Variants in ACAD11 observed in about 807,000 individuals in gnomAD.
ACAD11 encodes acyl-CoA dehydrogenase family member 11.
A neutral mutation model predicts 102.2 loss-of-function variants in ACAD11; 83 were observed. The ratio of observed to expected loss-of-function variants is 0.81; its 90% CI spans 0.68 to 0.97. ACAD11 has a LOEUF of 0.97. ACAD11 is among the 50% of genes least tolerant of loss of function. The pLI, the probability that ACAD11 is intolerant of heterozygous loss-of-function variation, is 0.00. For missense variants in ACAD11, 901 were observed against 951.7 expected, an observed-to-expected ratio of 0.95 and a Z score of 0.70; for synonymous variants, 324 against 319.8, an observed-to-expected ratio of 1.01 and a Z score of -0.14.
At chr3:132,640,118 CTT>C (rs200490230) in intron 4 of ACAD11, among the ~76,000 whole-genome samples, 4 of 145,124 alleles carry the variant, frequency 2.8e-5, no homozygotes, top group Admixed American at 1.4e-4. Flanking sequence ...AAGACATTTA[CTT>C]TTTTTTTTTT....
chr3:132,594,576 T>C (rs541117939), intron 13 of ACAD11, among the ~76,000 whole-genome samples: 1 of 152,286 alleles, frequency 6.6e-6, no homozygotes, highest in African/African-American at 2.4e-5. Context: ...ATAAGATAGC[T>C]ATGGAAGATA....
chr3:132,623,361 T>C (rs923228799), intron 9 of ACAD11, among the ~76,000 whole-genome samples: 2 of 152,308 alleles, frequency 1.3e-5, no homozygotes, highest in Admixed American at 6.5e-5. Context: ...GAATCTTATA[T>C]AGATTTTTCC....
intron 18 of ACAD11, 130 bp downstream of exon 18, chr3:132,560,971 C>A (rs953487144): frequency 7.2e-6 from 5 of 692,752 alleles, no homozygotes; most frequent in African/African-American, 7.2e-5. Flanking sequence ...TAATTTATAA[C>A]CCAAAATCAC....
At position 132,611,886 on chromosome 3, in the gene ACAD11, A is replaced by T. The variant is rs995047973; in HGVS notation, c.1415-6681T>A. ...TTGGAAAAAACTACTTTAAAGTTCA[A>T]ATGGAACCAAAAAAGAGCCTGCATC... On this transcript the variant is annotated intron_variant, in intron 11 of 19. Transcript: ENST00000264990. Among the ~76,000 whole-genome samples the T allele has an allele frequency of 9.1e-4, 138 of 152,008 alleles. 1 individual carries two copies. Among genetic ancestry groups the T allele is most frequent in the Admixed American group, 2.0e-3 (30 of 15,238 alleles).
At chr3:132,593,456 A>T (rs926499547) in intron 13 of ACAD11, among the ~76,000 whole-genome samples, 1 of 152,234 alleles carries the variant, frequency 6.6e-6, no homozygotes, top group Non-Finnish European at 1.5e-5. Context: ...AGTATTCCAC[A>T]CATGCCTGGC....
chr3:132,626,197 G>A (rs1939801741), intron 9 of ACAD11, among the ~76,000 whole-genome samples: 1 of 152,118 alleles, frequency 6.6e-6, no homozygotes, highest in Non-Finnish European at 1.5e-5. Flanking sequence ...TTTGGTAACT[G>A]AATGAATGAA....
intron 1 of ACAD11, chr3:132,659,358 C>CCT (rs1353086016): frequency 5.8e-6 from 3 of 512,832 alleles, no homozygotes; most frequent in African/African-American, 4.0e-5. Context: ...CATCCTTTAA[C>CCT]AAAGATTCCT....
intron 1 of ACAD11, among the ~76,000 whole-genome samples, chr3:132,649,343 T>C (rs1027229524): frequency 2.0e-5 from 3 of 152,214 alleles, no homozygotes; most frequent in Non-Finnish European, 4.4e-5. Context: ...TGTACATTTG[T>C]TTAATTCTGG....
At chr3:132,653,876 G>A (rs1937639907) in intron 1 of ACAD11, among the ~76,000 whole-genome samples, 1 of 152,110 alleles carries the variant, frequency 6.6e-6, no homozygotes, top group Non-Finnish European at 1.5e-5. Flanking sequence ...TATTTTCTAA[G>A]TAAGACCTTC....
intron 13 of ACAD11, among the ~76,000 whole-genome samples, chr3:132,602,895 C>T (rs6779298): frequency 0.24 from 37,100 of 151,976 alleles, 7,560 homozygotes; most frequent in African/African-American, 0.54. Flanking sequence ...TTCCGCCACC[C>T]GGGGTCAAGC....
chr3:132,568,204 G>T (rs867457734), intron 17 of ACAD11, among the ~76,000 whole-genome samples: 1 of 152,124 alleles, frequency 6.6e-6, no homozygotes. Context: ...TCCAGCCTGG[G>T]CAACAACAGT....
chr3:132,561,189 C>T lies in ACAD11; in HGVS notation c.2030G>A (p.Ser677Asn). ...HEVVAHWIAE[S>N]RIAIEKIRLL... ...GCGGATCTTCTCAATGGCAATGCGG[C>T]TTTCAGCAATCCAGTGAGCCACAAC... Residue 677 changes from serine to asparagine, a missense_variant, in exon 18 of 20, where the codon AGC becomes AAC. By Grantham distance (46) the Ser-to-Asn change is conservative. Coordinates refer to ENST00000264990, the MANE Select transcript of ACAD11 (RefSeq NM_032169.5). 6.2e-7 allele frequency: 1 copy of T among 1,613,328 alleles called. No individual in the cohort carries two copies. Among genetic ancestry groups the T allele is most frequent in the Non-Finnish European group, 8.5e-7 (1 of 1,179,574 alleles).
rs763549866 is a variant in ACAD11 at position 132,558,415 on chromosome 3, C to T, written c.*556G>A. 1.3e-5 allele frequency: 2 copies of T among 152,714 alleles called. No individual in the cohort carries two copies. Among genetic ancestry groups the T allele is most frequent in the African/African-American group, 2.4e-5 (1 of 41,428 alleles). The allele number at this position is 152,714 out of a possible 1,614,324, so 9.5% of individuals were successfully genotyped here. On this transcript the variant is annotated 3_prime_UTR_variant, in exon 20 of 20. Transcript: ENST00000264990. ...AGTGAGGTTAAGGCTCAGTGGCAAA[C>T]GTTAAAGAGGCCCACACAACACACC...
At chr3:132,633,250 C>A (rs1343930744) in intron 5 of ACAD11, among the ~76,000 whole-genome samples, 2 of 152,116 alleles carry the variant, frequency 1.3e-5, no homozygotes, top group East Asian at 3.9e-4. Context: ...TACGTCCCAT[C>A]GATACCTAAT....
chr3:132,655,449 A>G (rs1937736755), intron 1 of ACAD11, among the ~76,000 whole-genome samples: 1 of 152,160 alleles, frequency 6.6e-6, no homozygotes, highest in Non-Finnish European at 1.5e-5. Flanking sequence ...GCCCTTGCTT[A>G]CACTACTTCA....
At chr3:132,634,216 AC>A (rs1262810197) in intron 5 of ACAD11, among the ~76,000 whole-genome samples, 1 of 152,212 alleles carries the variant, frequency 6.6e-6, no homozygotes, top group African/African-American at 2.4e-5. Context: ...CAAGAAAAAA[AC>A]AAACAACCCC....
intron 13 of ACAD11, among the ~76,000 whole-genome samples, chr3:132,589,834 A>G (rs939280761): frequency 6.6e-6 from 1 of 152,088 alleles, no homozygotes; most frequent in South Asian, 2.1e-4. Flanking sequence ...CCAGTACCCA[A>G]TTGTTATCTT....
At position 132,659,662 on chromosome 3, in the gene ACAD11, G is replaced by A. The variant is rs1559984654; in HGVS notation, c.90C>T (p.Asn30=). Residue 30 remains asparagine (N), a synonymous_variant, in exon 1 of 20, where the codon AAC becomes AAT. Coordinates refer to ENST00000264990, the MANE Select transcript of ACAD11 (RefSeq NM_032169.5). ...FDSKSLEAYL[N]QHLSGFGAER... is the part of the protein sequence containing the mutation. ...CGGCCCCAAAGCCAGACAAGTGCTGGTTTAGGTAGGCCTCCAGGGACTTGC... is the reference window on the plus strand; with the variant it reads ...CGGCCCCAAAGCCAGACAAGTGCTGATTTAGGTAGGCCTCCAGGGACTTGC... 6.2e-7 allele frequency: 1 copy of A among 1,611,572 alleles called. No individual in the cohort carries two copies. The highest frequency in any genetic ancestry group is 8.5e-7 in the Non-Finnish European group (1 of 1,178,936).
intron 13 of ACAD11, among the ~76,000 whole-genome samples, chr3:132,597,545 C>T (rs1379038503): frequency 6.6e-6 from 1 of 151,234 alleles, no homozygotes; most frequent in Non-Finnish European, 1.5e-5. Flanking sequence ...CATTACTTGT[C>T]GGTAAAACTT....
Sources: gnomAD v4.1 joint callset for allele counts (sites outside exome capture counted in the v4.1 genomes callset) on GRCh38, gnomAD v4.1.1 for gene constraint, MANE v1.5 for transcripts, NCBI Gene and HGNC (gene_info 2026-07-23, HGNC 2026-07-21) for gene names.